Variants in ENC1 observed in about 807,000 individuals in gnomAD.
ENC1 encodes ectodermal-neural cortex 1, also known as ectoderm-neural cortex protein 1.
ENC1 carries 19 observed loss-of-function variants against 40.9 expected under a neutral mutation model. The observed-to-expected ratio is 0.46, with a 90% confidence interval of 0.32 to 0.68. ENC1 has a LOEUF of 0.68. Ranked by LOEUF, ENC1 falls within the 30% of genes least tolerant of loss-of-function variation. The pLI, the probability that ENC1 is intolerant of heterozygous loss-of-function variation, is 0.03. For missense variants in ENC1, 479 were observed against 737.5 expected (o/e 0.65, Z 4.06); for synonymous variants, 285 against 291.1 (o/e 0.98, Z 0.21).
intron 2 of ENC1, among the ~76,000 whole-genome samples, chr5:74,633,506 C>T (rs889485441): frequency 2.6e-5 from 4 of 152,178 alleles, no homozygotes; most frequent in African/African-American, 9.7e-5. Context: ...ATAGATTTAT[C>T]TTTAAAGGTA....
chr5:74,633,741 A>G (rs1306677769), intron 2 of ENC1, among the ~76,000 whole-genome samples: 1 of 152,204 alleles, frequency 6.6e-6, no homozygotes, highest in Non-Finnish European at 1.5e-5. Flanking sequence ...GTGCAACACG[A>G]TGCTCCAGTG....
chr5:74,632,374 GA>G (rs1747423164), intron 2 of ENC1: 1 of 152,180 alleles, frequency 6.6e-6, no homozygotes, highest in Admixed American at 6.5e-5. Flanking sequence ...CAAGATTACT[GA>G]GATGCCAGCA....
Position 74,635,446 on chromosome 5 carries a change from C to T in ENC1, c.1040G>A (p.Gly347Glu). ...TGAGACCCCATTTTCAGACCCCCGC[C>T]CCCCAGTAATGTACACTTTGCAGCC... ...AIGCKVYITG[G>E]RGSENGVSKD... The change falls in exon 2 of 3, where the codon GGG becomes GAG. Residue 347 changes from glycine to glutamate, a missense_variant. Transcript: ENST00000302351. The surrounding 1 kb of genome is among the most constrained non-coding windows in gnomAD (Gnocchi z 5.5). 6.2e-7 allele frequency: 1 copy of T among 1,614,088 alleles called. No homozygotes were observed. Among genetic ancestry groups the T allele is most frequent in the Non-Finnish European group, 8.5e-7 (1 of 1,179,992 alleles).
chr5:74,630,059 T>C (rs1319945503), intron 2 of ENC1, 67 bp from the exon 3 acceptor site: 1 of 152,292 alleles, frequency 6.6e-6, no homozygotes, highest in South Asian at 2.1e-4. Flanking sequence ...GATGCCATAG[T>C]TTTTAAATTT....
chr5:74,635,059 G>A lies in ENC1; in HGVS notation c.1427C>T (p.Ala476Val). ...GTAACGCCAGGGCTGGGGACAGGTG[G>A]CCGGTACAGTCCACCTGTTTTCACA... ...DQCENRWTVP[A>V]TCPQPWRYTA... Residue 476 changes from alanine to valine, a missense_variant, in exon 2 of 3, where the codon GCC (alanine) becomes GTC (valine). Transcript: ENST00000302351. This position sits in a 1 kb window ranked among gnomAD's most constrained non-coding sequence, Gnocchi z 5.5. 6.2e-7 allele frequency: 1 copy of A among 1,614,212 alleles called. No individual in the cohort carries two copies. Among genetic ancestry groups the A allele is most frequent in the South Asian group, 1.1e-5 (1 of 91,092 alleles).
In ENC1 at chr5:74,627,615, T is replaced by G. The variant is rs1747246288; in HGVS notation, c.*2410A>C. The G allele has an allele frequency of 6.6e-6, 1 of 152,648 alleles. No homozygotes were observed. The highest frequency in any genetic ancestry group is 1.5e-5 in the Non-Finnish European group (1 of 68,046). The allele number at this position is 152,648 out of a possible 1,614,324, so 9.5% of individuals were successfully genotyped here. Reference sequence around the variant, plus strand: ...GGACATTATGCAGCTCTAATCACTCTTATTCAAGACAGGTGTCAAGCCCAA... The same window carrying G: ...GGACATTATGCAGCTCTAATCACTCGTATTCAAGACAGGTGTCAAGCCCAA... On this transcript the variant is annotated 3_prime_UTR_variant, in exon 3 of 3. Coordinates refer to ENST00000302351, the MANE Select transcript of ENC1 (RefSeq NM_003633.4).
At position 74,636,179 on chromosome 5, in the gene ENC1, C is replaced by CA; in HGVS notation, c.306dup (p.Asp103Ter). 1 of 1,614,174 alleles carries CA rather than the reference C, an allele frequency of 6.2e-7. No individual in the cohort carries two copies. Among genetic ancestry groups the CA allele is most frequent in the Non-Finnish European group, 8.5e-7 (1 of 1,180,034 alleles). On this transcript the variant is annotated frameshift_variant, in exon 2 of 3. Coordinates refer to ENST00000302351, the MANE Select transcript of ENC1 (RefSeq NM_003633.4). LOFTEE classifies it high-confidence loss of function. The surrounding 1 kb of genome is among the most constrained non-coding windows in gnomAD (Gnocchi z 4.8). ...ATGACCCGGGAGGAGTACGCATAGT[C>CA]AAGCAGCAGCTCCAAGACTTCTGGG...
Position 74,635,913 on chromosome 5 carries a change from G to A in ENC1, c.573C>T (p.Asp191=). 6.2e-7 allele frequency: 1 copy of A among 1,614,014 alleles called. No individual in the cohort carries two copies. The highest frequency in any genetic ancestry group is 8.5e-7 in the Non-Finnish European group (1 of 1,180,006). ...KNEDFLQLPQ[D]MVVQLLSSEE... ...CACTGGACAAGAGTTGCACTACCAT[G>A]TCCTGGGGCAGCTGGAGGAAATCTT... The change falls in exon 2 of 3, where the codon GAC becomes GAT. Residue 191 remains aspartate, a synonymous_variant. Transcript: ENST00000302351. This position sits in a 1 kb window ranked among gnomAD's most constrained non-coding sequence, Gnocchi z 5.5.
At position 74,635,756 on chromosome 5, in the gene ENC1, T is replaced by C. The variant is rs200569470; in HGVS notation, c.730A>G (p.Ile244Val). ...ATGGCCACATTCTCCATGAGATAGATGGCTGGCAGAAGTGCCAGCCTTACT... is the reference window on the plus strand; with the variant it reads ...ATGGCCACATTCTCCATGAGATAGACGGCTGGCAGAAGTGCCAGCCTTACT... ...QTVRLALLPA[I>V]YLMENVAMEE... Residue 244 changes from isoleucine to valine, a missense_variant, in exon 2 of 3, where the codon ATC becomes GTC. Physicochemically the swap from Ile to Val is conservative, Grantham distance 29. Coordinates refer to ENST00000302351, the MANE Select transcript of ENC1 (RefSeq NM_003633.4). The surrounding 1 kb of genome is among the most constrained non-coding windows in gnomAD (Gnocchi z 5.5). 173 of 1,614,116 alleles carry C rather than the reference T, an allele frequency of 1.1e-4. 1 individual carries two copies. The East Asian group carries it at 3.7e-3, about 35-fold the overall frequency.
At position 74,634,743 on chromosome 5, in the gene ENC1, G is replaced by A. The variant is rs1205295318; in HGVS notation, c.1743C>T (p.Val581=). ...VPYSLIPTAF[V]STWKHLPS ...AAGAAGGCAGATGTTTCCAGGTGCTGACAAATGCAGTAGGAATCAGCGAGT... is the reference window on the plus strand; with the variant it reads ...AAGAAGGCAGATGTTTCCAGGTGCTAACAAATGCAGTAGGAATCAGCGAGT... Residue 581 remains valine, a synonymous_variant, in exon 2 of 3, where the codon GTC becomes GTT. Transcript: ENST00000302351. The A allele has an allele frequency of 6.2e-6, 10 of 1,611,290 alleles. No homozygotes were observed. Among genetic ancestry groups the A allele is most frequent in the Non-Finnish European group, 8.5e-6 (10 of 1,177,554 alleles).
Position 74,636,143 on chromosome 5 carries a change from C to A in ENC1, c.343G>T (p.Glu115Ter). 1.2e-6 allele frequency: 2 copies of A among 1,614,154 alleles called. No homozygotes were observed. The highest frequency in any genetic ancestry group is 1.7e-6 in the Non-Finnish European group (2 of 1,180,030). Residue 115 changes from glutamate (E) to a stop codon, truncating the protein, a stop_gained, in exon 2 of 3, where the codon GAA becomes TAA. Transcript: ENST00000302351. LOFTEE classifies it high-confidence loss of function. The surrounding 1 kb of genome is among the most constrained non-coding windows in gnomAD (Gnocchi z 4.8). ...GCTTCCAGGAGCGATTCTGCATTTT[C>A]TTCATTGATGATGACCCGGGAGGAG... ...AYSSRVIINEENAESLLEAGD... is the reference protein window; with the variant it reads ...AYSSRVIINE
Position 74,629,710 on chromosome 5 carries a change from C to G in ENC1, c.*315G>C, listed in dbSNP as rs1242504208. ...TGGTACAGCAAGGGAAAAGGTCCAG[C>G]TTTTCTCTCCCTTTGAGGGGCTGAT... On this transcript the variant is annotated 3_prime_UTR_variant, in exon 3 of 3. Transcript: ENST00000302351. 1 of 152,192 alleles carries G rather than the reference C, an allele frequency of 6.6e-6. No individual in the cohort carries two copies. The highest frequency in any genetic ancestry group is 1.5e-5 in the Non-Finnish European group (1 of 68,044). 9.4% of individuals were successfully genotyped at this position (152,192 alleles called of 1,614,324 possible).
chr5:74,638,448 C>A (rs536132210), intron 1 of ENC1, among the ~76,000 whole-genome samples: 4 of 152,280 alleles, frequency 2.6e-5, no homozygotes, highest in Non-Finnish European at 4.4e-5. Context: ...AAGGAAGCAA[C>A]AAAGTCCTAG....
In ENC1 at chr5:74,629,952, A is replaced by G. The variant is rs1055511285; in HGVS notation, c.*73T>C. On this transcript the variant is annotated 3_prime_UTR_variant, in exon 3 of 3. Transcript: ENST00000302351. Reference sequence around the variant, plus strand: ...CTCTTCATTAGACTTGGCCTCTCCGAAGTAGAAATCTCATATTATCTCATC... The same window carrying G: ...CTCTTCATTAGACTTGGCCTCTCCGGAGTAGAAATCTCATATTATCTCATC... 6.6e-6 allele frequency: 1 copy of G among 151,658 alleles called. No individual in the cohort carries two copies. The highest frequency in any genetic ancestry group is 2.4e-5 in the African/African-American group (1 of 41,268). The allele number at this position is 151,658 out of a possible 1,614,324, so 9.4% of individuals were successfully genotyped here.
At chr5:74,633,244 C>T (rs953717757) in intron 2 of ENC1, among the ~76,000 whole-genome samples, 6 of 152,180 alleles carry the variant, frequency 3.9e-5, no homozygotes, top group African/African-American at 1.2e-4. Context: ...GCAAAGCAGC[C>T]GTGAGCTTTG....
chr5:74,633,952 A>G (rs1269857704), intron 2 of ENC1, among the ~76,000 whole-genome samples: 2 of 152,246 alleles, frequency 1.3e-5, no homozygotes, highest in Admixed American at 1.3e-4. Flanking sequence ...CACCGCTGCA[A>G]GCACACAGTG....
Position 74,628,602 on chromosome 5 carries a change from C to G in ENC1, c.*1423G>C, listed in dbSNP as rs1177913457. ...TGGTGTTTTGTGGCCAAATGTGTTACTTGTGCACCAAAGAGTTTTTTAAAA... is the reference window on the plus strand; with the variant it reads ...TGGTGTTTTGTGGCCAAATGTGTTAGTTGTGCACCAAAGAGTTTTTTAAAA... On this transcript the variant is annotated 3_prime_UTR_variant, in exon 3 of 3. Transcript: ENST00000302351. 6.6e-6 allele frequency: 1 copy of G among 152,430 alleles called. No homozygotes were observed. The highest frequency in any genetic ancestry group is 1.5e-5 in the Non-Finnish European group (1 of 68,036). 9.4% of individuals were successfully genotyped at this position (152,430 alleles called of 1,614,324 possible).
rs1747825171 is a variant in ENC1 at position 74,640,582 on chromosome 5, T to G, written c.-289A>C. On this transcript the variant is annotated 5_prime_UTR_variant, in exon 1 of 3. Coordinates refer to ENST00000302351, the MANE Select transcript of ENC1 (RefSeq NM_003633.4). ...CGGTAGGGCAGAGCAAGCCTGCCAC[T>G]GCAGGCGCCGCGGAAGGAGGCGGGC... 1 of 152,326 alleles carries G rather than the reference T, an allele frequency of 6.6e-6. No homozygotes were observed. Among genetic ancestry groups the G allele is most frequent in the Non-Finnish European group, 1.5e-5 (1 of 68,130 alleles). 9.4% of individuals were successfully genotyped at this position (152,326 alleles called of 1,614,324 possible).
chr5:74,630,635 G>A (rs190020811), intron 2 of ENC1, among the ~76,000 whole-genome samples: 176 of 152,292 alleles, frequency 1.2e-3, no homozygotes, highest in African/African-American at 3.8e-3. Context: ...CAGTCCACAC[G>A]TAGGTGCCAG....
Sources: allele counts gnomAD v4.1 joint callset (sites outside exome capture counted in the v4.1 genomes callset), GRCh38; gene constraint gnomAD v4.1.1; non-coding constraint Gnocchi (gnomAD v3.1); transcripts MANE v1.5; gene names NCBI Gene and HGNC (gene_info 2026-07-23, HGNC 2026-07-21).